Variants in TASOR2 observed in about 807,000 individuals in gnomAD.
TASOR2 encodes the protein transcription activation suppressor family member 2, also known as protein TASOR 2.
TASOR2 carries 84 observed loss-of-function variants against 199.5 expected under a neutral mutation model. The observed-to-expected ratio is 0.42, with a 90% confidence interval of 0.35 to 0.50. The LOEUF (loss-of-function observed/expected upper bound fraction) is 0.50. TASOR2 is among the 20% of genes least tolerant of loss of function. The probability of loss-of-function intolerance (pLI) is 0.02; values close to 1 mark genes in which losing one functional copy is unlikely to be tolerated. For synonymous variants in TASOR2, 1,103 were observed against 1,046.6 expected, an observed-to-expected ratio of 1.05 and a Z score of -1.04; for missense variants, 2,796 against 2,835.9, an observed-to-expected ratio of 0.99 and a Z score of 0.32.
chr10:5,702,004 A>C (rs977083019), intron 1 of TASOR2, among the ~76,000 whole-genome samples: 1 of 152,204 alleles, frequency 6.6e-6, no homozygotes, highest in Admixed American at 6.5e-5. Flanking sequence ...ATTGAATAAA[A>C]GTGGTGAAAG....
At chr10:5,707,145 G>A (rs1469935324) in intron 1 of TASOR2, among the ~76,000 whole-genome samples, 8 of 152,220 alleles carry the variant, frequency 5.3e-5, no homozygotes, top group African/African-American at 1.9e-4. Flanking sequence ...TCTGATGCCA[G>A]TGCACCATGC....
At chr10:5,744,236 C>A (rs1836839720) in intron 14 of TASOR2, among the ~76,000 whole-genome samples, 1 of 152,182 alleles carries the variant, frequency 6.6e-6, no homozygotes. Context: ...CAAGACTTTT[C>A]TAATACTTTG....
Position 5,748,970 on chromosome 10 carries a change from C to G in TASOR2, c.5549C>G (p.Thr1850Ser). 1.9e-6 allele frequency: 3 copies of G among 1,614,082 alleles called. No individual in the cohort carries two copies. The South Asian group carries it at 3.3e-5, about 18-fold the overall frequency. Residue 1850 changes from threonine (T) to serine (S), a missense_variant, in exon 15 of 21, where the codon ACT becomes AGT. Transcript: ENST00000328090. The surrounding 1 kb of genome is among the most constrained non-coding windows in gnomAD (Gnocchi z 5.1). ...AGACTGGATTTGGAGGATTCTTATA[C>G]TTTAAGAGGTAGTTACACCAGGAAA...
exon 15 of TASOR2, chr10:5,747,877 C>G (rs762694842): frequency 6.2e-7 from 1 of 1,613,798 alleles, no homozygotes; most frequent in Non-Finnish European, 8.5e-7. Flanking sequence ...ATTAACTGAT[C>G]ATCCAGGAAG....
chr10:5,715,124 G>A (rs1426130586), intron 2 of TASOR2, among the ~76,000 whole-genome samples: 1 of 152,054 alleles, frequency 6.6e-6, no homozygotes, highest in Non-Finnish European at 1.5e-5. Context: ...AAGATCTCAC[G>A]AAGAGGGGTA....
rs1430066307 is a variant in TASOR2, at chr10:5,712,930, A to G, written c.-192+12A>G. 3 of 1,192,136 alleles carry G rather than the reference A, an allele frequency of 2.5e-6. No individual in the cohort carries two copies. Among genetic ancestry groups the G allele is most frequent in the Admixed American group, 8.5e-5 (2 of 23,636 alleles). 73.8% of individuals were successfully genotyped at this position (1,192,136 alleles called of 1,614,324 possible). ...ATACTGAAAAGCAGGTAAGGGAATTAGGTTGTAGAAAATTAATGGTATCAT... is the reference window on the plus strand; with the variant it reads ...ATACTGAAAAGCAGGTAAGGGAATTGGGTTGTAGAAAATTAATGGTATCAT... On this transcript the variant is annotated intron_variant, in intron 2 of 20. Transcript: ENST00000328090.
rs1564241816 is a variant in TASOR2, at chr10:5,690,799, C to G, written c.-288+5624C>G. On this transcript the variant is annotated intron_variant, in intron 1 of 20. Transcript: ENST00000328090. The surrounding 1 kb of genome is among the most constrained non-coding windows in gnomAD (Gnocchi z 4.8). Reference sequence around the variant, plus strand: ...ATGGTTTAATGCCAAAGCACAAACTCATAAACCCAGTTGATGAGGAGCCAG... The same window carrying G: ...ATGGTTTAATGCCAAAGCACAAACTGATAAACCCAGTTGATGAGGAGCCAG... Among the ~76,000 whole-genome samples, 1 of 152,176 alleles carries G rather than the reference C, an allele frequency of 6.6e-6. No homozygotes were observed. The highest frequency in any genetic ancestry group is 1.5e-5 in the Non-Finnish European group (1 of 68,034).
At chr10:5,705,077 A>AT (rs1838403615) in intron 1 of TASOR2, among the ~76,000 whole-genome samples, 1 of 152,242 alleles carries the variant, frequency 6.6e-6, no homozygotes, top group Non-Finnish European at 1.5e-5. Context: ...TGTATATACC[A>AT]TGTGATGACT....
intron 11 of TASOR2, among the ~76,000 whole-genome samples, chr10:5,732,919 G>C (rs139015756): frequency 1.2e-4 from 18 of 152,236 alleles, no homozygotes; most frequent in African/African-American, 4.1e-4. Flanking sequence ...TGCGTACTTA[G>C]GAGGGTAAGT....
At chr10:5,746,759 T>C in exon 15 of TASOR2, 1 of 1,614,156 alleles carries the variant, frequency 6.2e-7, no homozygotes, top group Non-Finnish European at 8.5e-7. Flanking sequence ...ATTCCCTCTC[T>C]AGTAGTTGCA....
chr10:5,708,747 G>T (rs1006739279), intron 1 of TASOR2, among the ~76,000 whole-genome samples: 18 of 150,736 alleles, frequency 1.2e-4, no homozygotes, highest in Non-Finnish European at 2.7e-4. Context: ...TGTTACCCAG[G>T]CTGGAGTTCA....
At chr10:5,749,622 C>T in exon 15 of TASOR2, 1 of 1,614,154 alleles carries the variant, frequency 6.2e-7, no homozygotes. Context: ...ACAGCTCTTC[C>T]TCTTGGAGAG....
chr10:5,707,158 C>T (rs1185927459), intron 1 of TASOR2, among the ~76,000 whole-genome samples: 1 of 152,166 alleles, frequency 6.6e-6, no homozygotes, highest in African/African-American at 2.4e-5. Flanking sequence ...CACCATGCCT[C>T]ATGCACAGCA....
chr10:5,706,986 G>A lies in TASOR2; in HGVS notation c.-287-5837G>A, dbSNP rs117192691. 0.024 allele frequency among the ~76,000 whole-genome samples: 3,525 copies of A among 143,884 alleles called. 59 individuals are homozygous for A. Among genetic ancestry groups the A allele is most frequent in the South Asian group, 0.036 (159 of 4,382 alleles). 94.4% of individuals were successfully genotyped at this position (143,884 alleles called of 152,430 possible). ...CCACTTACGCTCCAGCCTGGGCCAC[G>A]GAGCAAGACTCCGTCTCAAAAAAAA... On this transcript the variant is annotated intron_variant, in intron 1 of 20. Transcript: ENST00000328090. This position sits in a 1 kb window ranked among gnomAD's most constrained non-coding sequence, Gnocchi z 4.8.
chr10:5,728,662 G>C (rs1676754417), intron 10 of TASOR2, among the ~76,000 whole-genome samples: 1 of 152,000 alleles, frequency 6.6e-6, no homozygotes, highest in Non-Finnish European at 1.5e-5. Context: ...GCAGAACGCT[G>C]TGCTTTCCTA....
At chr10:5,727,122 A>C (rs1438336541) in exon 10 of TASOR2, 6 of 1,614,122 alleles carry the variant, frequency 3.7e-6, no homozygotes, top group Non-Finnish European at 5.1e-6. Context: ...CCCTGTCAAC[A>C]GGTGAGGATA....
At chr10:5,703,503 A>ATTTTTTTTTT (rs371366460) in intron 1 of TASOR2, among the ~76,000 whole-genome samples, 3 of 110,260 alleles carry the variant, frequency 2.7e-5, no homozygotes, top group Non-Finnish European at 5.2e-5. Context: ...GGTTTTTCTG[A>ATTTTTTTTTT]TTTTTTTTTT....
chr10:5,701,812 A>G lies in TASOR2; in HGVS notation c.-287-11011A>G, dbSNP rs564458179. Among the ~76,000 whole-genome samples, 23 of 152,284 alleles carry G rather than the reference A, an allele frequency of 1.5e-4. No individual in the cohort carries two copies. Among genetic ancestry groups the G allele is most frequent in the African/African-American group, 5.5e-4 (23 of 41,564 alleles). On this transcript the variant is annotated intron_variant, in intron 1 of 20. Transcript: ENST00000328090. This position sits in a 1 kb window ranked among gnomAD's most constrained non-coding sequence, Gnocchi z 4.9. Reference sequence around the variant, plus strand: ...ACCGATTTTTGTATGTTGATTTTGTATCCTGCAACTTTACTGAATTTGTTT... The same window carrying G: ...ACCGATTTTTGTATGTTGATTTTGTGTCCTGCAACTTTACTGAATTTGTTT...
chr10:5,716,284 C>T (rs1181936526), intron 2 of TASOR2, among the ~76,000 whole-genome samples: 1 of 152,076 alleles, frequency 6.6e-6, no homozygotes, highest in African/African-American at 2.4e-5. Flanking sequence ...CATGGACATA[C>T]GGGTTATTTC....
Sources: gnomAD v4.1 joint callset for allele counts (sites outside exome capture counted in the v4.1 genomes callset) on GRCh38, gnomAD v4.1.1 for gene constraint, Gnocchi (gnomAD v3.1) non-coding constraint, MANE v1.5 for transcripts, NCBI Gene and HGNC (gene_info 2026-07-23, HGNC 2026-07-21) for gene names.